Variants in EEA1 observed in about 807,000 individuals in gnomAD.
EEA1 encodes the protein early endosome antigen 1, also known as early endosome antigen 1, 162kD.
A neutral mutation model predicts 209.2 loss-of-function variants in EEA1; 111 were observed. The ratio of observed to expected loss-of-function variants is 0.53; its 90% confidence interval spans 0.45 to 0.62. EEA1 has a LOEUF of 0.62. Among genes scored for constraint, EEA1 ranks in the 20% least tolerant of loss-of-function variants. EEA1 has a pLI of 0.00. For synonymous variants in EEA1, 536 were observed against 540.6 expected (o/e 0.99, Z 0.12); for missense variants, 1,343 against 1,530.8 (o/e 0.88, Z 2.05).
intron 1 of EEA1, among the ~76,000 whole-genome samples, chr12:92,925,932 A>G (rs1881195615): frequency 6.6e-6 from 1 of 152,242 alleles, no homozygotes; most frequent in Non-Finnish European, 1.5e-5. Context: ...TATTCAGAAG[A>G]AAATAAGAAT....
chr12:92,866,084 C>T (rs1413565894), intron 2 of EEA1, among the ~76,000 whole-genome samples: 1 of 149,522 alleles, frequency 6.7e-6, no homozygotes, highest in Non-Finnish European at 1.5e-5. Flanking sequence ...CCCAGCTACT[C>T]AGGAGGCTGA....
chr12:92,797,511 T>TATA (rs1874709700), intron 21 of EEA1, among the ~76,000 whole-genome samples: 1 of 152,230 alleles, frequency 6.6e-6, no homozygotes, highest in South Asian at 2.1e-4. Context: ...ACAGGCAATA[T>TATA]ATATTAATCA....
rs35631295 is a variant in EEA1, at chr12:92,789,287, C to CAA, written c.2968-1240_2968-1239dup. On this transcript the variant is annotated intron_variant, in intron 21 of 28. Transcript: ENST00000322349. ...CCTGGGCAACAGAGAGACGCCATCT[C>CAA]AAAAAAAAAAAAGAAAGAAAGAAAA... is the stretch of plus-strand genomic sequence containing the variant. 2.0e-3 allele frequency among the ~76,000 whole-genome samples: 254 copies of CAA among 124,310 alleles called. 4 individuals carry two copies. Among genetic ancestry groups the CAA allele is most frequent in the Admixed American group, 7.1e-3 (88 of 12,322 alleles). 81.6% of individuals were successfully genotyped at this position (124,310 alleles called of 152,430 possible).
At chr12:92,897,826 A>G (rs2264420) in intron 1 of EEA1, among the ~76,000 whole-genome samples, 15,606 of 152,248 alleles carry the variant, frequency 0.1, 1,003 homozygotes, top group East Asian at 0.22. Flanking sequence ...ATCAAAGAAA[A>G]AAGATTACAA....
intron 17 of EEA1, among the ~76,000 whole-genome samples, chr12:92,810,144 T>C (rs2136673946): frequency 6.6e-6 from 1 of 152,364 alleles, no homozygotes; most frequent in Non-Finnish European, 1.5e-5. Context: ...GTAGTGATTT[T>C]GCACACTAAA....
intron 2 of EEA1, among the ~76,000 whole-genome samples, chr12:92,877,747 G>A (rs1054940786): frequency 3.3e-5 from 5 of 152,032 alleles, no homozygotes; most frequent in Non-Finnish European, 7.4e-5. Flanking sequence ...TCCTGATCTC[G>A]TGATCTTGGC....
intron 14 of EEA1, among the ~76,000 whole-genome samples, chr12:92,818,702 T>G (rs1875910697): frequency 6.6e-6 from 1 of 152,226 alleles, no homozygotes; most frequent in Non-Finnish European, 1.5e-5. Flanking sequence ...ATAATAACTC[T>G]CTTATTACAC....
At chr12:92,831,609 T>A (rs1047040803) in intron 11 of EEA1, among the ~76,000 whole-genome samples, 1 of 146,870 alleles carries the variant, frequency 6.8e-6, no homozygotes, top group African/African-American at 2.5e-5. Flanking sequence ...CATAAATATA[T>A]AAATATATAA....
At chr12:92,926,316 GCA>G (rs796423521) in intron 1 of EEA1, among the ~76,000 whole-genome samples, 64 of 152,180 alleles carry the variant, frequency 4.2e-4, no homozygotes, top group South Asian at 2.9e-3. Context: ...TAATTTCAAA[GCA>G]CAGAGTCCAT....
Position 92,891,666 on chromosome 12 carries a change from A to G in EEA1, c.80T>C (p.Ile27Thr). ...TTCATTATTGACGTCCACTGTGTTT[A>G]TAGGAGTTGCTGATGAATCTAAATC... The part of the protein sequence containing the change: ...GSDLDSSATP[I>T]NTVDVNNESS... The change falls in exon 2 of 29, where the codon ATA becomes ACA. Residue 27 changes from isoleucine (I) to threonine (T), a missense_variant. By Grantham distance (89) the Ile-to-Thr change is moderately conservative. Coordinates refer to ENST00000322349, the MANE Select transcript of EEA1 (RefSeq NM_003566.4). 1 of 1,611,618 alleles carries G rather than the reference A, an allele frequency of 6.2e-7. No homozygotes were observed. The highest frequency in any genetic ancestry group is 8.5e-7 in the Non-Finnish European group (1 of 1,179,308).
Position 92,916,290 on chromosome 12 carries a change from A to G in EEA1, c.24+12753T>C, listed in dbSNP as rs553312120. 2.6e-5 allele frequency among the ~76,000 whole-genome samples: 4 copies of G among 152,284 alleles called. No homozygotes were observed. The East Asian group carries it at 7.7e-4, about 29-fold the overall frequency. On this transcript the variant is annotated intron_variant, in intron 1 of 28. Coordinates refer to ENST00000322349, the MANE Select transcript of EEA1 (RefSeq NM_003566.4). ...TAAACTCACTTAAGGGAACAGGGAA[A>G]GGTACTGACAATAAAATTTCTTGAA...
At chr12:92,817,256 G>A (rs779976808) in intron 14 of EEA1, among the ~76,000 whole-genome samples, 3 of 145,374 alleles carry the variant, frequency 2.1e-5, no homozygotes, top group Non-Finnish European at 4.4e-5. Flanking sequence ...TGTCTTTTAC[G>A]TTCACTGATA....
intron 3 of EEA1, chr12:92,858,231 G>C (rs937826521): frequency 2.8e-6 from 2 of 718,860 alleles, no homozygotes; most frequent in African/African-American, 3.5e-5. Context: ...ACAAAATCCT[G>C]ATGCCAAAGT....
At chr12:92,820,469 T>C (rs1463648832) in intron 13 of EEA1, among the ~76,000 whole-genome samples, 2 of 152,166 alleles carry the variant, frequency 1.3e-5, no homozygotes, top group Non-Finnish European at 2.9e-5. Flanking sequence ...TCAGTCTCTG[T>C]TCCTGCCACC....
chr12:92,898,456 G>C (rs1879987377), intron 1 of EEA1, among the ~76,000 whole-genome samples: 1 of 152,044 alleles, frequency 6.6e-6, no homozygotes, highest in Non-Finnish European at 1.5e-5. Flanking sequence ...TTCAGGTTAG[G>C]AGTTTGAGAC....
intron 16 of EEA1, among the ~76,000 whole-genome samples, chr12:92,811,704 C>A (rs1401675835): frequency 6.6e-6 from 1 of 151,614 alleles, no homozygotes; most frequent in Non-Finnish European, 1.5e-5. Flanking sequence ...ATTTTAGGAG[C>A]CAAATATTAG....
intron 10 of EEA1, among the ~76,000 whole-genome samples, chr12:92,836,890 A>C (rs531399161): frequency 6.6e-6 from 1 of 152,258 alleles, no homozygotes. Flanking sequence ...TGGGAGGCCG[A>C]GGCGGGCAGA....
chr12:92,906,390 G>T (rs867945031), intron 1 of EEA1, among the ~76,000 whole-genome samples: 1 of 151,946 alleles, frequency 6.6e-6, no homozygotes, highest in African/African-American at 2.4e-5. Flanking sequence ...CATCATGCCT[G>T]GCCCTGGCTA....
chr12:92,871,221 A>T (rs1243267553), intron 2 of EEA1, among the ~76,000 whole-genome samples: 1 of 152,224 alleles, frequency 6.6e-6, no homozygotes, highest in Non-Finnish European at 1.5e-5. Flanking sequence ...AGCTGCAAAC[A>T]GGAAGAGAAA....
Sources: gnomAD v4.1 joint callset for allele counts (sites outside exome capture counted in the v4.1 genomes callset) on GRCh38, gnomAD v4.1.1 for gene constraint, MANE v1.5 for transcripts, NCBI Gene and HGNC (gene_info 2026-07-23, HGNC 2026-07-21) for gene names.